The following THEMIS variants were observed in gnomAD, a reference collection of about 807,000 sequenced individuals.
The protein encoded by THEMIS is thymocyte selection associated, also known as protein THEMIS.
Under a neutral mutation model 52.6 loss-of-function variants are expected in THEMIS, and 37 were observed. The ratio of observed to expected loss-of-function variants is 0.70; its 90% CI spans 0.54 to 0.93. The LOEUF is 0.93. Among genes scored for constraint, THEMIS ranks in the 40% least tolerant of loss-of-function variants. The pLI is 0.00. For missense variants in THEMIS, 808 were observed against 763.1 expected (o/e 1.06, Z -0.69); for synonymous variants, 292 against 272.7 (o/e 1.07, Z -0.70).
intron 2 of THEMIS, among the ~76,000 whole-genome samples, chr6:127,830,318 G>A (rs192306595): frequency 3.8e-4 from 58 of 152,218 alleles, no homozygotes; most frequent in African/African-American, 1.3e-3. Flanking sequence ...GATTGGATTT[G>A]GTCAGCTTTT....
At chr6:127,741,183 A>G (rs948087591) in intron 4 of THEMIS, among the ~76,000 whole-genome samples, 1 of 152,234 alleles carries the variant, frequency 6.6e-6, no homozygotes, top group African/African-American at 2.4e-5. Flanking sequence ...TTCACAACCC[A>G]TAAGTTATAA....
intron 1 of THEMIS, among the ~76,000 whole-genome samples, chr6:127,863,448 T>G (rs1223237133): frequency 6.6e-6 from 1 of 152,202 alleles, no homozygotes; most frequent in Non-Finnish European, 1.5e-5. Context: ...TTAACCTTTA[T>G]CTGTGCTTAT....
chr6:127,801,473 G>A lies in THEMIS; in HGVS notation c.1758+11410C>T, dbSNP rs1035377284. Reference sequence around the variant, plus strand: ...GCCAGGTGTCTACTGTTAAAGTGAGGGTATTGACTGGAAAAGAATGGGACC... The same window carrying A: ...GCCAGGTGTCTACTGTTAAAGTGAGAGTATTGACTGGAAAAGAATGGGACC... On this transcript the variant is annotated intron_variant, in intron 4 of 5. Coordinates refer to ENST00000368248, the MANE Select transcript of THEMIS (RefSeq NM_001010923.3). Among the ~76,000 whole-genome samples the A allele has an allele frequency of 2.0e-5, 3 of 152,138 alleles. 1 individual carries two copies. Among genetic ancestry groups the A allele is most frequent in the South Asian group, 4.1e-4 (2 of 4,826 alleles).
At chr6:127,730,017 C>A (rs770684576) in intron 4 of THEMIS, among the ~76,000 whole-genome samples, 31 of 152,164 alleles carry the variant, frequency 2.0e-4, no homozygotes, top group Non-Finnish European at 3.7e-4. Flanking sequence ...TGTCTGTAAT[C>A]CCTGCGCTTT....
upstream of THEMIS, among the ~76,000 whole-genome samples, chr6:127,904,905 G>A (rs1781230248): frequency 6.6e-6 from 1 of 151,966 alleles, no homozygotes; most frequent in Non-Finnish European, 1.5e-5. Flanking sequence ...GAGGATTGTT[G>A]AACTGGAAAT....
At chr6:127,790,945 C>T (rs1015407987) in intron 4 of THEMIS, among the ~76,000 whole-genome samples, 15 of 152,184 alleles carry the variant, frequency 9.9e-5, no homozygotes, top group Non-Finnish European at 2.9e-5. Context: ...CTTGGAGATG[C>T]CAGGAACCAC....
chr6:127,734,106 G>GA (rs1000522936), intron 4 of THEMIS, among the ~76,000 whole-genome samples: 11 of 151,348 alleles, frequency 7.3e-5, no homozygotes, highest in Middle Eastern at 3.4e-3. Flanking sequence ...AACAAATTGA[G>GA]AAAAAAAATA....
intron 2 of THEMIS, among the ~76,000 whole-genome samples, chr6:127,840,655 G>A (rs1175424421): frequency 6.6e-6 from 1 of 152,066 alleles, no homozygotes; most frequent in Non-Finnish European, 1.5e-5. Context: ...GCACATGAAT[G>A]TTTATAGCAG....
rs756689304 is a variant in THEMIS at position 127,813,552 on chromosome 6, C to T, written c.1089G>A (p.Glu363=). 5 of 1,613,138 alleles carry T rather than the reference C, an allele frequency of 3.1e-6. No individual in the cohort carries two copies. The South Asian group carries it at 3.3e-5, about 11-fold the overall frequency. ...YDLEIAKSEK[E]PLHVVATKAF... is the part of the protein sequence containing the mutation. ...CTTTGGTGGCCACCACGTGAAGAGGCTCCTTTTCACTCTTAGCGATCTCTA... is the reference window on the plus strand; with the variant it reads ...CTTTGGTGGCCACCACGTGAAGAGGTTCCTTTTCACTCTTAGCGATCTCTA... The change falls in exon 4 of 6, where the codon GAG becomes GAA. Residue 363 remains glutamate (E), a synonymous_variant. Transcript: ENST00000368248.
intron 2 of THEMIS, among the ~76,000 whole-genome samples, chr6:127,832,787 T>A (rs1013521639): frequency 4.7e-5 from 6 of 127,134 alleles, no homozygotes; most frequent in Non-Finnish European, 9.8e-5. Flanking sequence ...CTTTTTTTTT[T>A]TTTTTTTTTT....
intron 5 of THEMIS, among the ~76,000 whole-genome samples, chr6:127,714,787 G>A (rs1212702194): frequency 6.6e-6 from 1 of 151,840 alleles, no homozygotes; most frequent in Non-Finnish European, 1.5e-5. Flanking sequence ...TTCAACCATA[G>A]ATGGAGCAGA....
At chr6:127,837,277 T>C (rs1315164230) in intron 2 of THEMIS, among the ~76,000 whole-genome samples, 7 of 152,130 alleles carry the variant, frequency 4.6e-5, no homozygotes, top group South Asian at 4.1e-4. Context: ...ATAGGAAGAA[T>C]AGAGCTGCAA....
At chr6:127,761,554 T>C (rs926336960) in intron 4 of THEMIS, among the ~76,000 whole-genome samples, 1 of 152,094 alleles carries the variant, frequency 6.6e-6, no homozygotes, top group African/African-American at 2.4e-5. Context: ...TTCCATGCAA[T>C]GTATTAAGAA....
intron 1 of THEMIS, among the ~76,000 whole-genome samples, chr6:127,917,153 G>T (rs896156866): frequency 2.6e-5 from 4 of 152,162 alleles, no homozygotes; most frequent in African/African-American, 9.7e-5. Context: ...TTATTCAGTT[G>T]CTAAGATCTT....
chr6:127,850,971 T>G (rs1244521695), intron 2 of THEMIS, among the ~76,000 whole-genome samples: 1 of 151,686 alleles, frequency 6.6e-6, no homozygotes, highest in Non-Finnish European at 1.5e-5. Context: ...ATTAGCTATT[T>G]AAAATATATA....
chr6:127,714,676 T>G (rs1014550954), intron 5 of THEMIS, among the ~76,000 whole-genome samples: 1 of 151,946 alleles, frequency 6.6e-6, no homozygotes, highest in Non-Finnish European at 1.5e-5. Context: ...TGACATTCTT[T>G]GAATTAGAGC....
chr6:127,855,259 T>A lies in THEMIS; in HGVS notation c.92-71A>T, dbSNP rs1186659271. 3.0e-6 allele frequency: 4 copies of A among 1,322,514 alleles called. No individual in the cohort carries two copies. The African/African-American group carries it at 6.0e-5, about 20-fold the overall frequency. The allele number at this position is 1,322,514 out of a possible 1,614,324, so 81.9% of individuals were successfully genotyped here. A position where few individuals can be genotyped will look rare whatever the true frequency, so the allele number is the denominator to read the frequency against. The stretch of plus-strand genomic sequence containing the variant: ...TGAAAAACAAAGTAGACTCAAAAGC[T>A]TAATATAAAGTGTTTTAATTCAGTT... On this transcript the variant is annotated intron_variant, in intron 1 of 5. Transcript: ENST00000368248.
chr6:127,857,122 T>TA (rs1414008144), intron 1 of THEMIS, among the ~76,000 whole-genome samples: 2 of 149,786 alleles, frequency 1.3e-5, no homozygotes, highest in Admixed American at 1.3e-4. Context: ...GAATCAGAGA[T>TA]AAAATGCATT....
intron 1 of THEMIS, among the ~76,000 whole-genome samples, chr6:127,880,994 T>G (rs9321099): frequency 6.6e-6 from 1 of 151,974 alleles, no homozygotes; most frequent in Admixed American, 6.5e-5. Context: ...TGAAACAAAT[T>G]AGATGTTCCA....
Sources: allele counts gnomAD v4.1 joint callset (sites outside exome capture counted in the v4.1 genomes callset), GRCh38; gene constraint gnomAD v4.1.1; transcripts MANE v1.5; gene names NCBI Gene and HGNC (gene_info 2026-07-23, HGNC 2026-07-21).